CRACD: variants seen among roughly 807,000 people sequenced by gnomAD.
CRACD encodes capping protein-inhibiting regulator of actin dynamics.
A neutral mutation model predicts 106.8 loss-of-function variants in CRACD; 56 were observed. The ratio of observed to expected loss-of-function variants is 0.52; its 90% CI spans 0.42 to 0.66. The LOEUF is 0.66. Ranked by LOEUF, CRACD falls within the 30% of genes least tolerant of loss-of-function variation. The probability of loss-of-function intolerance (pLI) is 0.00; values close to 1 mark genes in which losing one functional copy is unlikely to be tolerated. For synonymous variants in CRACD, 754 were observed against 670.8 expected, an observed-to-expected ratio of 1.12 and a Z score of -1.92; for missense variants, 1,730 against 1,623.2, an observed-to-expected ratio of 1.07 and a Z score of -1.13.
At chr4:56,049,504 A>C (rs1731792396) in intron 1 of CRACD, among the ~76,000 whole-genome samples, 1 of 152,020 alleles carries the variant, frequency 6.6e-6, no homozygotes, top group South Asian at 2.1e-4. Context: ...TCCCGGAGGA[A>C]CCTGCGCGCG....
At chr4:56,269,561 A>G (rs1190036554) in intron 2 of CRACD, among the ~76,000 whole-genome samples, 1 of 124,420 alleles carries the variant, frequency 8.0e-6, no homozygotes, top group Non-Finnish European at 1.7e-5. Context: ...GAGGTGCCAC[A>G]CTTTTTTTTT....
intron 1 of CRACD, among the ~76,000 whole-genome samples, chr4:56,123,353 A>G (rs535456346): frequency 6.6e-6 from 1 of 152,358 alleles, no homozygotes; most frequent in East Asian, 1.9e-4. Flanking sequence ...TTTAGTTTGT[A>G]GTGAGTAATC....
At chr4:56,224,037 G>A (rs1739176379) in intron 2 of CRACD, among the ~76,000 whole-genome samples, 1 of 152,128 alleles carries the variant, frequency 6.6e-6, no homozygotes, top group Admixed American at 6.5e-5. Context: ...GATTACAGGT[G>A]TGCACCACCA....
chr4:56,162,200 T>C (rs917293984), intron 1 of CRACD, among the ~76,000 whole-genome samples: 1 of 149,158 alleles, frequency 6.7e-6, no homozygotes, highest in East Asian at 2.0e-4. Flanking sequence ...AAAATTATTA[T>C]TATTTTTTTT....
chr4:56,071,592 C>A (rs1228955425), intron 1 of CRACD, among the ~76,000 whole-genome samples: 3 of 151,792 alleles, frequency 2.0e-5, no homozygotes, highest in Admixed American at 1.3e-4. Context: ...TCCCTGCAAC[C>A]TTTGCTTCCC....
chr4:56,271,904 C>T (rs1009095732), intron 2 of CRACD, among the ~76,000 whole-genome samples: 1 of 152,076 alleles, frequency 6.6e-6, no homozygotes, highest in African/African-American at 2.4e-5. Flanking sequence ...ACCACCAACC[C>T]GACTAATTTT....
chr4:56,244,888 A>G (rs1487317454), intron 2 of CRACD, among the ~76,000 whole-genome samples: 1 of 152,114 alleles, frequency 6.6e-6, no homozygotes, highest in African/African-American at 2.4e-5. Flanking sequence ...CACAAATCCC[A>G]TCCTAAGCTG....
chr4:56,183,470 G>T lies in CRACD; in HGVS notation c.-189+4040G>T, dbSNP rs77339161. On this transcript the variant is annotated intron_variant, in intron 2 of 10. Coordinates refer to ENST00000682029, the MANE Select transcript of CRACD (RefSeq NM_001393381.1). Reference sequence around the variant, plus strand: ...GAGGACTGCACGCGAGAAAAGGAAGGCTACACCAAAACAGAGCTGAGCACT... The same window carrying T: ...GAGGACTGCACGCGAGAAAAGGAAGTCTACACCAAAACAGAGCTGAGCACT... 3.8e-3 allele frequency among the ~76,000 whole-genome samples: 581 copies of T among 152,304 alleles called. 4 individuals are homozygous for T. Among genetic ancestry groups the T allele is most frequent in the African/African-American group, 0.013 (547 of 41,566 alleles).
intron 1 of CRACD, among the ~76,000 whole-genome samples, chr4:56,066,745 C>G (rs560554814): frequency 7.4e-4 from 112 of 152,212 alleles, no homozygotes; most frequent in Non-Finnish European, 8.7e-4. Flanking sequence ...ACCACACAGA[C>G]AGTACACAAA....
Position 56,329,705 on chromosome 4 carries a change from A to G in CRACD, c.*1901A>G, listed in dbSNP as rs1376106008. Among the ~76,000 whole-genome samples the G allele has an allele frequency of 2.6e-5, 4 of 152,192 alleles. No individual in the cohort carries two copies. The highest frequency in any genetic ancestry group is 4.4e-5 in the Non-Finnish European group (3 of 68,036). On this transcript the variant is annotated 3_prime_UTR_variant, in exon 11 of 11. Transcript: ENST00000682029. ...TAGTTCCAATGATTTCCTCACTAAT[A>G]TAACACTTTTTAATGGGAATCTTTC... is the stretch of plus-strand genomic sequence containing the variant.
chr4:56,155,137 A>G lies in CRACD; in HGVS notation c.-335-24147A>G, dbSNP rs150868537. Among the ~76,000 whole-genome samples the G allele has an allele frequency of 5.3e-5, 8 of 152,250 alleles. No homozygotes were observed. The East Asian group carries it at 1.6e-3, about 30-fold the overall frequency. Reference sequence around the variant, plus strand: ...AAGAACAGAGGTTTGTTTCTTGCCCACATTGTACATCTGTGGCAGATTGGC... The same window carrying G: ...AAGAACAGAGGTTTGTTTCTTGCCCGCATTGTACATCTGTGGCAGATTGGC... On this transcript the variant is annotated intron_variant, in intron 1 of 10. Coordinates refer to ENST00000682029, the MANE Select transcript of CRACD (RefSeq NM_001393381.1).
chr4:56,070,073 A>G (rs1732586122), intron 1 of CRACD, among the ~76,000 whole-genome samples: 1 of 152,218 alleles, frequency 6.6e-6, no homozygotes, highest in Non-Finnish European at 1.5e-5. Context: ...TCAGCTACAC[A>G]AAAAGAAAGA....
chr4:56,196,693 T>A (rs1297985843), intron 2 of CRACD, among the ~76,000 whole-genome samples: 2 of 152,174 alleles, frequency 1.3e-5, no homozygotes, highest in Non-Finnish European at 2.9e-5. Context: ...TATAATTCTA[T>A]CATGCTTGAT....
chr4:56,103,717 A>G (rs1028370987), intron 1 of CRACD, among the ~76,000 whole-genome samples: 1 of 152,208 alleles, frequency 6.6e-6, no homozygotes, highest in Admixed American at 6.5e-5. Flanking sequence ...AAAAGAGGAG[A>G]TATCTTTACC....
intron 1 of CRACD, among the ~76,000 whole-genome samples, chr4:56,096,227 T>C (rs1733596124): frequency 6.6e-6 from 1 of 152,160 alleles, no homozygotes; most frequent in Non-Finnish European, 1.5e-5. Context: ...ATAGTTGATA[T>C]TTAAAGCCAT....
At chr4:56,114,388 A>G (rs943754841) in intron 1 of CRACD, among the ~76,000 whole-genome samples, 1 of 152,022 alleles carries the variant, frequency 6.6e-6, no homozygotes, top group African/African-American at 2.4e-5. Context: ...AAACTTTCCT[A>G]GAAGATACTC....
intron 2 of CRACD, among the ~76,000 whole-genome samples, chr4:56,195,047 A>G (rs1436576466): frequency 6.6e-6 from 1 of 152,238 alleles, no homozygotes; most frequent in Non-Finnish European, 1.5e-5. Context: ...AATAGAAAGT[A>G]TTGAGTTTGA....
chr4:56,310,018 C>CAAA (rs34745980), intron 5 of CRACD, among the ~76,000 whole-genome samples: 3 of 112,164 alleles, frequency 2.7e-5, no homozygotes, highest in African/African-American at 3.7e-5. Flanking sequence ...GACCCTGTCT[C>CAAA]AAAAAAAAAA....
At chr4:56,297,074 C>T (rs1404610478) in intron 3 of CRACD, among the ~76,000 whole-genome samples, 2 of 152,132 alleles carry the variant, frequency 1.3e-5, no homozygotes, top group African/African-American at 2.4e-5. Flanking sequence ...CGCCAGCCAT[C>T]ATGCCCGGCT....
Sources: allele counts gnomAD v4.1 joint callset (sites outside exome capture counted in the v4.1 genomes callset), GRCh38; gene constraint gnomAD v4.1.1; transcripts MANE v1.5; gene names NCBI Gene and HGNC (gene_info 2026-07-23, HGNC 2026-07-21).